The following FRMD4A variants were observed in gnomAD, a reference collection of about 807,000 sequenced individuals.
FRMD4A encodes the protein FERM domain containing 4A, also known as FERM domain-containing protein 4A.
In FRMD4A, 29 loss-of-function variants were observed where a neutral mutation model predicts 129.1. That is an observed-to-expected ratio of 0.22 (90% CI 0.17 to 0.31). FRMD4A has a LOEUF of 0.31. Among genes scored for constraint, FRMD4A ranks in the 10% least tolerant of loss-of-function variants. The pLI is 1.00. For synonymous variants in FRMD4A, 634 were observed against 571.6 expected (o/e 1.11, Z -1.56); for missense variants, 1,272 against 1,375.8 (o/e 0.92, Z 1.19).
intron 2 of FRMD4A, among the ~76,000 whole-genome samples, chr10:14,004,419 G>T (rs1232201214): frequency 6.6e-6 from 1 of 152,176 alleles, no homozygotes; most frequent in Non-Finnish European, 1.5e-5. Flanking sequence ...GCGCACGCCT[G>T]TAATACCAGT....
At chr10:14,311,285 A>C (rs746659983) in intron 2 of FRMD4A, among the ~76,000 whole-genome samples, 8 of 152,200 alleles carry the variant, frequency 5.3e-5, no homozygotes, top group Non-Finnish European at 1.0e-4. Flanking sequence ...TGAATCCTGG[A>C]AAACAGCTAT....
At chr10:13,852,481 C>T (rs530020525) in intron 3 of FRMD4A, among the ~76,000 whole-genome samples, 35 of 152,158 alleles carry the variant, frequency 2.3e-4, no homozygotes, top group African/African-American at 7.2e-4. Context: ...CCTCAGCCTC[C>T]CAAAGTGCTG....
chr10:13,866,666 C>A (rs901092914), intron 2 of FRMD4A, among the ~76,000 whole-genome samples: 2 of 152,148 alleles, frequency 1.3e-5, no homozygotes. Context: ...GGACTTCAGG[C>A]AATTTAAAAT....
intron 5 of FRMD4A, among the ~76,000 whole-genome samples, chr10:13,796,225 C>T (rs1249838907): frequency 6.6e-6 from 1 of 152,184 alleles, no homozygotes; most frequent in African/African-American, 2.4e-5. Context: ...TGACCCTCCC[C>T]AAAAGTGCAG....
At chr10:13,694,091 G>C in intron 14 of FRMD4A, 52 bp from the exon 15 acceptor site, 1 of 1,463,066 alleles carries the variant, frequency 6.8e-7, no homozygotes, top group Middle Eastern at 1.8e-4. Context: ...CTTGCGGAAA[G>C]GACAGTCATC....
chr10:14,146,492 C>T (rs1221199424), intron 2 of FRMD4A, among the ~76,000 whole-genome samples: 3 of 152,178 alleles, frequency 2.0e-5, no homozygotes, highest in South Asian at 4.2e-4. Flanking sequence ...CCTCTCTGTT[C>T]ATCTTACAAC....
intron 2 of FRMD4A, among the ~76,000 whole-genome samples, chr10:13,958,289 T>G (rs1385619052): frequency 6.9e-6 from 1 of 145,320 alleles, no homozygotes. Context: ...TTGTTTTTTT[T>G]TTTTTTTTTT....
chr10:14,049,152 G>C (rs943413319), intron 2 of FRMD4A, among the ~76,000 whole-genome samples: 1 of 152,148 alleles, frequency 6.6e-6, no homozygotes, highest in African/African-American at 2.4e-5. Context: ...GATGTGGCCT[G>C]TTCAGTTCAT....
intron 9 of FRMD4A, among the ~76,000 whole-genome samples, chr10:13,745,794 C>A (rs2091259028): frequency 6.6e-6 from 1 of 152,166 alleles, no homozygotes; most frequent in African/African-American, 2.4e-5. Context: ...TCTCTAGTTA[C>A]CTTCTCACAT....
At chr10:14,089,115 T>TA (rs1257375457) in intron 2 of FRMD4A, among the ~76,000 whole-genome samples, 5 of 152,186 alleles carry the variant, frequency 3.3e-5, no homozygotes, top group Admixed American at 2.6e-4. Flanking sequence ...CCAGTGATGA[T>TA]AAAATCAGCT....
chr10:13,823,410 G>A (rs1286336800), intron 3 of FRMD4A, among the ~76,000 whole-genome samples: 1 of 152,150 alleles, frequency 6.6e-6, no homozygotes, highest in Non-Finnish European at 1.5e-5. Flanking sequence ...TAACTGTTTC[G>A]GTAAGGAGAA....
intron 2 of FRMD4A, among the ~76,000 whole-genome samples, chr10:14,310,678 C>T (rs1241289474): frequency 6.6e-6 from 1 of 152,146 alleles, no homozygotes; most frequent in African/African-American, 2.4e-5. Context: ...ACCAGAAATT[C>T]GAGCGCTATG....
chr10:13,656,955 C>T lies in FRMD4A; in HGVS notation c.2634G>A (p.Leu878=), dbSNP rs2134650258. 2 of 1,534,930 alleles carry T rather than the reference C, an allele frequency of 1.3e-6. No homozygotes were observed. Among genetic ancestry groups the T allele is most frequent in the Non-Finnish European group, 1.7e-6 (2 of 1,148,144 alleles). The part of the protein sequence containing the change: ...KTSNSYTAGG[L]FKESWRGGGG... ...CGCCGCCGCGCCAGCTCTCCTTGAA[C>T]AGGCCGCCCGCCGTGTAGGAGTTGG... Residue 878 remains leucine, a synonymous_variant, in exon 22 of 25, where the codon CTG becomes CTA. Coordinates refer to ENST00000357447, the MANE Select transcript of FRMD4A (RefSeq NM_018027.5).
chr10:13,919,500 T>C (rs17631730), intron 2 of FRMD4A, among the ~76,000 whole-genome samples: 7,657 of 152,264 alleles, frequency 0.05, 298 homozygotes, highest in Admixed American at 0.13. Flanking sequence ...AGTGAGATTA[T>C]ATATACACAA....
At chr10:13,825,212 T>C (rs1219845911) in intron 3 of FRMD4A, among the ~76,000 whole-genome samples, 1 of 152,212 alleles carries the variant, frequency 6.6e-6, no homozygotes, top group Admixed American at 6.5e-5. Context: ...ACTTGCACTT[T>C]GAGGCCATTA....
chr10:14,148,369 C>T (rs959610211), intron 2 of FRMD4A, among the ~76,000 whole-genome samples: 1 of 152,234 alleles, frequency 6.6e-6, no homozygotes, highest in Admixed American at 6.5e-5. Flanking sequence ...CCACCATCAT[C>T]TCAACCAGGA....
intron 2 of FRMD4A, among the ~76,000 whole-genome samples, chr10:14,156,973 A>C (rs1300896133): frequency 2.0e-4 from 30 of 152,354 alleles, no homozygotes; most frequent in Non-Finnish European, 1.5e-5. Context: ...TGTTTAAAGC[A>C]GTCGCTTTTA....
intron 2 of FRMD4A, among the ~76,000 whole-genome samples, chr10:14,040,587 A>G (rs1457792311): frequency 6.6e-6 from 1 of 152,234 alleles, no homozygotes; most frequent in Non-Finnish European, 1.5e-5. Context: ...AACAGGCCCC[A>G]GGGACTTTGG....
chr10:13,967,815 G>A (rs1037976357), intron 2 of FRMD4A, among the ~76,000 whole-genome samples: 3 of 152,250 alleles, frequency 2.0e-5, no homozygotes, highest in African/African-American at 7.2e-5. Flanking sequence ...GGAGGATGGG[G>A]CAGGCAGATG....
Sources: allele counts gnomAD v4.1 joint callset (sites outside exome capture counted in the v4.1 genomes callset), GRCh38; gene constraint gnomAD v4.1.1; transcripts MANE v1.5; gene names NCBI Gene and HGNC (gene_info 2026-07-23, HGNC 2026-07-21).